Variants in NR5A2 observed in about 807,000 individuals in gnomAD.
NR5A2 encodes CYP7A promoter-binding factor.
A neutral mutation model predicts 62.7 loss-of-function variants in NR5A2; 26 were observed. The observed-to-expected ratio is 0.41, with a 90% confidence interval of 0.30 to 0.58. The LOEUF is 0.58. Ranked by LOEUF, NR5A2 falls within the 20% of genes least tolerant of loss-of-function variation. The pLI is 0.22. For synonymous variants in NR5A2, 246 were observed against 241.7 expected, an observed-to-expected ratio of 1.02 and a Z score of -0.16; for missense variants, 541 against 669.1, an observed-to-expected ratio of 0.81 and a Z score of 2.11.
chr1:200,164,868 T>A (rs920073287), intron 7 of NR5A2, among the ~76,000 whole-genome samples: 2 of 54,178 alleles, frequency 3.7e-5, no homozygotes, highest in African/African-American at 3.8e-4. Flanking sequence ...TTTAGAGCAG[T>A]TTTTTTTTTT....
chr1:200,145,720 T>G (rs547651055), intron 7 of NR5A2, among the ~76,000 whole-genome samples: 3 of 152,264 alleles, frequency 2.0e-5, no homozygotes, highest in Non-Finnish European at 4.4e-5. Flanking sequence ...CTTGAACCCC[T>G]GAGCTCAGGC....
intron 5 of NR5A2, among the ~76,000 whole-genome samples, chr1:200,109,808 A>T (rs1665855898): frequency 6.6e-6 from 1 of 152,226 alleles, no homozygotes; most frequent in Non-Finnish European, 1.5e-5. Context: ...TCTGTCACCC[A>T]GGCTGGAGTG....
At position 200,048,074 on chromosome 1, in the gene NR5A2, A is replaced by G; in HGVS notation, c.464-98A>G. ...TAACGAAAACAACCACACACATACC[A>G]CTTCTTGTCGATTTACATTTCTAAA... On this transcript the variant is annotated intron_variant, in intron 4 of 7. Coordinates refer to ENST00000367362, the MANE Select transcript of NR5A2 (RefSeq NM_205860.3). The surrounding 1 kb of genome is among the most constrained non-coding windows in gnomAD (Gnocchi z 4.8). The G allele has an allele frequency of 8.6e-7, 1 of 1,168,204 alleles. No homozygotes were observed. Among genetic ancestry groups the G allele is most frequent in the Non-Finnish European group, 1.2e-6 (1 of 824,182 alleles). 72.4% of individuals were successfully genotyped at this position (1,168,204 alleles called of 1,614,324 possible). A position where few individuals can be genotyped will look rare whatever the true frequency, so the allele number is the denominator to read the frequency against.
chr1:200,119,487 G>GT (rs1440219447), intron 6 of NR5A2, among the ~76,000 whole-genome samples: 1 of 152,126 alleles, frequency 6.6e-6, no homozygotes, highest in Non-Finnish European at 1.5e-5. Flanking sequence ...GGATGGGAGC[G>GT]TCAGGTACCA....
At chr1:200,173,911 G>A in intron 7 of NR5A2, 52 bp from the exon 8 acceptor site, 1 of 1,393,962 alleles carries the variant, frequency 7.2e-7, no homozygotes, top group Non-Finnish European at 9.4e-7. Flanking sequence ...TAGTAAACAG[G>A]AATTGAAATG....
intron 5 of NR5A2, among the ~76,000 whole-genome samples, chr1:200,053,663 A>G (rs183164963): frequency 6.6e-6 from 1 of 152,168 alleles, no homozygotes; most frequent in Admixed American, 6.5e-5. Context: ...AGTGAAGCTA[A>G]AGCAAATCTC....
chr1:200,051,438 TA>T (rs1167842241), intron 5 of NR5A2, among the ~76,000 whole-genome samples: 1 of 152,314 alleles, frequency 6.6e-6, no homozygotes, highest in East Asian at 1.9e-4. Context: ...GGCTAAAACA[TA>T]AATATCTTTG....
rs1157182833 is a variant in NR5A2 at position 200,068,453 on chromosome 1, GA to G, written c.1110+19644del. On this transcript the variant is annotated intron_variant, in intron 5 of 7. Transcript: ENST00000367362. ...TACTTAATTTACTTCTAGTCATTTG[GA>G]AAAAAAAATTGATAATATTTTGTCT... Among the ~76,000 whole-genome samples the G allele has an allele frequency of 4.0e-5, 6 of 151,376 alleles. No homozygotes were observed. In the South Asian group the frequency reaches 6.3e-4, roughly 16 times the overall value.
chr1:200,035,812 A>C (rs534563853), intron 1 of NR5A2, among the ~76,000 whole-genome samples: 1 of 151,964 alleles, frequency 6.6e-6, no homozygotes, highest in South Asian at 2.1e-4. Context: ...GTCGGAAAGA[A>C]GGAGGTGGAG....
rs995461798 is a variant in NR5A2, at chr1:200,176,065, G to A, written c.*1855G>A. 2 of 152,588 alleles carry A rather than the reference G, an allele frequency of 1.3e-5. No homozygotes were observed. Among genetic ancestry groups the A allele is most frequent in the Non-Finnish European group, 2.9e-5 (2 of 68,020 alleles). 9.5% of individuals were successfully genotyped at this position (152,588 alleles called of 1,614,324 possible). ...TCAAATTAGTGGAACTTAGTTCAGG[G>A]ACATAGAAGAGTCTTAATGAATTAA... On this transcript the variant is annotated 3_prime_UTR_variant, in exon 8 of 8. Transcript: ENST00000367362.
At position 200,119,851 on chromosome 1, in the gene NR5A2, C is replaced by T. The variant is rs944273832; in HGVS notation, c.1231-957C>T. On this transcript the variant is annotated intron_variant, in intron 6 of 7. Coordinates refer to ENST00000367362, the MANE Select transcript of NR5A2 (RefSeq NM_205860.3). ...CTTGAACTCCTGGCCTCAAGCGATC[C>T]GCCCACCTCGGCCTCCCAAAGTGCT... Among the ~76,000 whole-genome samples the T allele has an allele frequency of 1.4e-4, 21 of 152,198 alleles. No homozygotes were observed. The East Asian group carries it at 2.7e-3, about 20-fold the overall frequency.
At chr1:200,053,622 T>C (rs556829873) in intron 5 of NR5A2, among the ~76,000 whole-genome samples, 248 of 149,374 alleles carry the variant, frequency 1.7e-3, no homozygotes, top group Non-Finnish European at 2.5e-3. Context: ...GGCAGTGTAA[T>C]CTTTGACTCC....
rs984086238 is a variant in NR5A2 at position 200,058,462 on chromosome 1, C to T, written c.1110+9644C>T. On this transcript the variant is annotated intron_variant, in intron 5 of 7. Coordinates refer to ENST00000367362, the MANE Select transcript of NR5A2 (RefSeq NM_205860.3). ...TCGTAAGTTTACCCGAAGATACATA[C>T]ATTTATTATGTTGGTTTTTTGTTTT... The T allele has an allele frequency of 3.3e-5, 5 of 151,968 alleles. No individual in the cohort carries two copies. The East Asian group carries it at 5.8e-4, about 18-fold the overall frequency. 9.4% of individuals were successfully genotyped at this position (151,968 alleles called of 1,614,324 possible). A position where few individuals can be genotyped will look rare whatever the true frequency, so the allele number is the denominator to read the frequency against.
chr1:200,080,430 GAT>G (rs766125239), intron 5 of NR5A2, among the ~76,000 whole-genome samples: 2 of 151,856 alleles, frequency 1.3e-5, no homozygotes, highest in African/African-American at 4.8e-5. Context: ...TCTGGTTTGA[GAT>G]ATATATATAT....
intron 6 of NR5A2, 46 bp from the exon 7 acceptor site, chr1:200,120,762 T>C (rs1666443541): frequency 6.7e-7 from 1 of 1,498,300 alleles, no homozygotes; most frequent in South Asian, 1.4e-5. Context: ...GTGAAATACA[T>C]ATTGCTGATT....
Position 200,073,800 on chromosome 1 carries a change from A to G in NR5A2, c.1110+24982A>G, listed in dbSNP as rs555200063. 6.6e-4 allele frequency among the ~76,000 whole-genome samples: 101 copies of G among 152,326 alleles called. 2 individuals carry two copies. In the South Asian group the frequency reaches 0.02, roughly 30 times the overall value. On this transcript the variant is annotated intron_variant, in intron 5 of 7. Coordinates refer to ENST00000367362, the MANE Select transcript of NR5A2 (RefSeq NM_205860.3). ...TGGAGCGCCTCAATATGCCAGGCAC[A>G]TTGCTAAGCAGCAGGGATACGAAGT...
At chr1:200,042,339 C>A (rs1268272726) in intron 2 of NR5A2, among the ~76,000 whole-genome samples, 1 of 152,098 alleles carries the variant, frequency 6.6e-6, no homozygotes, top group Non-Finnish European at 1.5e-5. Flanking sequence ...TGCAAGTGAC[C>A]CCCCTGACGG....
chr1:200,158,379 A>T (rs1653480844), intron 7 of NR5A2, among the ~76,000 whole-genome samples: 1 of 152,256 alleles, frequency 6.6e-6, no homozygotes, highest in Non-Finnish European at 1.5e-5. Flanking sequence ...ATAAAAATTC[A>T]AAGAATGACA....
intron 2 of NR5A2, among the ~76,000 whole-genome samples, chr1:200,043,456 A>T (rs1430785723): frequency 2.0e-5 from 3 of 152,182 alleles, no homozygotes; most frequent in Middle Eastern, 3.2e-3. Context: ...CTAAACTGTC[A>T]CCTTATGCAA....
Sources: allele counts gnomAD v4.1 joint callset (sites outside exome capture counted in the v4.1 genomes callset), GRCh38; gene constraint gnomAD v4.1.1; non-coding constraint Gnocchi (gnomAD v3.1); transcripts MANE v1.5; gene names NCBI Gene and HGNC (gene_info 2026-07-23, HGNC 2026-07-21).